ZNF541: variants seen among roughly 807,000 people sequenced by gnomAD.
ZNF541 encodes the protein zinc finger protein 541.
ZNF541 carries 23 observed loss-of-function variants against 123.5 expected under a neutral mutation model. The observed-to-expected ratio is 0.19, with a 90% CI of 0.13 to 0.26. The LOEUF is 0.26. ZNF541 is among the 10% of genes least tolerant of loss of function. The probability of loss-of-function intolerance (pLI) is 1.00; values close to 1 mark genes in which losing one functional copy is unlikely to be tolerated. For missense variants in ZNF541, 1,612 were observed against 1,789.9 expected, an observed-to-expected ratio of 0.90 and a Z score of 1.79; for synonymous variants, 751 against 754.5, an observed-to-expected ratio of 1.00 and a Z score of 0.08.
At position 47,544,779 on chromosome 19, in the gene ZNF541, C is replaced by T. The variant is rs1339149907; in HGVS notation, c.1750G>A (p.Glu584Lys). The change falls in exon 5 of 17, where the codon GAG becomes AAG. Residue 584 changes from glutamate to lysine, a missense_variant. Around this residue, in one of 5 missense-constraint regions of ZNF541, gnomAD observed 1,080 missense variants for 1,013.8 expected, o/e 1.07. Transcript: ENST00000391901. Reference sequence around the variant, plus strand: ...GGCCTCAGGGCGGCTGGTTTGCCCTCGGGCGCAGGGAGCTGGGAGGAGACT... The same window carrying T: ...GGCCTCAGGGCGGCTGGTTTGCCCTTGGGCGCAGGGAGCTGGGAGGAGACT... ...AAVSSQLPAPEGKPAALRPLQ... is the reference protein window; with the variant it reads ...AAVSSQLPAPKGKPAALRPLQ... 2.0e-6 allele frequency: 3 copies of T among 1,513,690 alleles called. No individual in the cohort carries two copies. Among genetic ancestry groups the T allele is most frequent in the Non-Finnish European group, 2.6e-6 (3 of 1,134,026 alleles). 93.8% of individuals were successfully genotyped at this position (1,513,690 alleles called of 1,614,324 possible).
chr19:47,560,545 C>T (rs1384673172), intron 2 of ZNF541, among the ~76,000 whole-genome samples: 10 of 142,300 alleles, frequency 7.0e-5, no homozygotes, highest in Non-Finnish European at 7.5e-5. Context: ...CACTGCACTC[C>T]AGCCTAGGAG....
intron 12 of ZNF541, among the ~76,000 whole-genome samples, chr19:47,531,241 G>GT (rs1484882379): frequency 1.4e-5 from 2 of 143,424 alleles, no homozygotes; most frequent in African/African-American, 5.1e-5. Flanking sequence ...GCGGGGGGGG[G>GT]GGGGGGGGTC....
At chr19:47,540,363 G>A in intron 6 of ZNF541, 28 bp from the exon 7 acceptor site, 1 of 1,541,194 alleles carries the variant, frequency 6.5e-7, no homozygotes, top group Non-Finnish European at 8.8e-7. Flanking sequence ...AAAGAAGAGT[G>A]GGAGATTAGG....
At position 47,555,790 on chromosome 19, in the gene ZNF541, C is replaced by CTGAAAA. The variant is rs755082837; in HGVS notation, c.61_66dup (p.Phe21_Ser22dup). The stretch of plus-strand genomic sequence containing the variant: ...TCGCTGCAGTTGAGCCCTTGGCTCT[C>CTGAAAA]TGAAAATGAAGGGAGGTGCATTTCT... On this transcript the variant is annotated inframe_insertion, in exon 3 of 17. Transcript: ENST00000391901. 6.4e-7 allele frequency: 1 copy of CTGAAAA among 1,551,658 alleles called. No homozygotes were observed. Among genetic ancestry groups the CTGAAAA allele is most frequent in the Non-Finnish European group, 8.7e-7 (1 of 1,147,002 alleles).
intron 5 of ZNF541, among the ~76,000 whole-genome samples, chr19:47,542,668 C>T (rs940753601): frequency 5.9e-5 from 9 of 151,664 alleles, no homozygotes; most frequent in African/African-American, 2.2e-4. Context: ...ATAAATTTGG[C>T]CAGGCACAGT....
intron 2 of ZNF541, among the ~76,000 whole-genome samples, chr19:47,556,172 A>C (rs1970814521): frequency 6.6e-6 from 1 of 152,222 alleles, no homozygotes; most frequent in Admixed American, 6.5e-5. Flanking sequence ...GTTGTAACAA[A>C]TAAAAGTACT....
chr19:47,522,046 T>C, intron 14 of ZNF541, 52 bp from the exon 15 acceptor site: 4 of 1,545,088 alleles, frequency 2.6e-6, no homozygotes, highest in Non-Finnish European at 3.5e-6. Flanking sequence ...GCCCTGGGAG[T>C]GTGACCTTGC....
chr19:47,570,725 T>C (rs1032916728), intron 2 of ZNF541, among the ~76,000 whole-genome samples: 11 of 152,036 alleles, frequency 7.2e-5, no homozygotes, highest in African/African-American at 2.4e-4. Flanking sequence ...AGATAAAGTT[T>C]ACATAAACAA....
rs748751439 is a variant in ZNF541 at position 47,545,837 on chromosome 19, G to T, written c.692C>A (p.Pro231Gln). The change falls in exon 5 of 17, where the codon CCG (proline) becomes CAG (glutamine). Residue 231 changes from proline to glutamine, a missense_variant. Pro to Gln is a moderately conservative substitution (Grantham distance 76). Transcript: ENST00000391901. This position sits in a 1 kb window ranked among gnomAD's most constrained non-coding sequence, Gnocchi z 7.5. ...HGLCILKEAPPEEEACGDSPH... is the reference protein window; with the variant it reads ...HGLCILKEAPQEEEACGDSPH... ...GGAGTCCCCGCAGGCCTCTTCCTCCGGGGGGGCTTCCTTCAGGATGCACAG... is the reference window on the plus strand; with the variant it reads ...GGAGTCCCCGCAGGCCTCTTCCTCCTGGGGGGCTTCCTTCAGGATGCACAG... The T allele has an allele frequency of 1.9e-6, 3 of 1,548,186 alleles. No individual in the cohort carries two copies. The highest frequency in any genetic ancestry group is 2.6e-6 in the Non-Finnish European group (3 of 1,145,940).
chr19:47,559,872 TGACTGAAACCCAGTGG>T (rs1970991176), intron 2 of ZNF541, among the ~76,000 whole-genome samples: 1 of 140,850 alleles, frequency 7.1e-6, no homozygotes, highest in Non-Finnish European at 1.5e-5. Context: ...AAAAAAATGG[TGACTGAAACCCAGTGG>T]GAGAACTTTG....
In ZNF541 at chr19:47,544,959, C is replaced by A; in HGVS notation, c.1570G>T (p.Ala524Ser). 6.5e-7 allele frequency: 1 copy of A among 1,534,056 alleles called. No homozygotes were observed. Among genetic ancestry groups the A allele is most frequent in the Non-Finnish European group, 8.7e-7 (1 of 1,146,092 alleles). The change falls in exon 5 of 17, where the codon GCC becomes TCC. Residue 524 changes from alanine to serine, a missense_variant. Coordinates refer to ENST00000391901, the MANE Select transcript of ZNF541 (RefSeq NM_001277075.3). Reference protein sequence around the residue: ...QNPGEPGLQEAQKAGGLPADA... With the variant: ...QNPGEPGLQESQKAGGLPADA... The stretch of plus-strand genomic sequence containing the variant: ...GCAGGGAGCCCGCCTGCCTTCTGGG[C>A]CTCCTGGAGGCCGGGCTCCCCGGGG...
At chr19:47,538,499 C>A (rs1417382606) in intron 8 of ZNF541, 60 bp from the exon 9 acceptor site, 7 of 1,401,478 alleles carry the variant, frequency 5.0e-6, no homozygotes, top group Non-Finnish European at 3.8e-6. Context: ...CACTCCATCT[C>A]CAGGATGGAA....
chr19:47,526,909 C>T (rs180694928), intron 14 of ZNF541, among the ~76,000 whole-genome samples: 272 of 152,252 alleles, frequency 1.8e-3, no homozygotes, highest in African/African-American at 6.2e-3. Flanking sequence ...TATAGTCATC[C>T]CAAACTGGAA....
At chr19:47,532,392 TG>T in intron 10 of ZNF541, 122 bp from the exon 11 acceptor site, 1 of 1,124,094 alleles carries the variant, frequency 8.9e-7, no homozygotes, top group Non-Finnish European at 1.3e-6. Flanking sequence ...AACCCTCTGC[TG>T]TCTCAGGTGC....
chr19:47,544,743 G>A lies in ZNF541; in HGVS notation c.1786C>T (p.Pro596Ser), dbSNP rs974943508. 2.0e-6 allele frequency: 3 copies of A among 1,500,248 alleles called. No individual in the cohort carries two copies. In the South Asian group the frequency reaches 3.8e-5, roughly 19 times the overall value. 92.9% of individuals were successfully genotyped at this position (1,500,248 alleles called of 1,614,324 possible). Residue 596 changes from proline to serine, a missense_variant, in exon 5 of 17, where the codon CCG becomes TCG. Around this residue, in one of 5 missense-constraint regions of ZNF541, gnomAD observed 1,080 missense variants for 1,013.8 expected, o/e 1.07. Transcript: ENST00000391901. ...AGTGGTGGGGGCTGCTGCGGCCACGGCCCCTGCAGCGGCCTCAGGGCGGCT... is the reference window on the plus strand; with the variant it reads ...AGTGGTGGGGGCTGCTGCGGCCACGACCCCTGCAGCGGCCTCAGGGCGGCT... ...KPAALRPLQG[P>S]WPQQPPPLAP...
intron 2 of ZNF541, among the ~76,000 whole-genome samples, chr19:47,566,992 A>G (rs1272516389): frequency 6.6e-6 from 1 of 152,010 alleles, no homozygotes; most frequent in Admixed American, 6.6e-5. Context: ...CGGAGCTTGC[A>G]GTGAGCCAAG....
chr19:47,521,239 G>A lies in ZNF541; in HGVS notation c.4026C>T (p.Gly1342=), dbSNP rs1194937391. Residue 1342 remains glycine, a synonymous_variant, in exon 17 of 17, where the codon GGC becomes GGT. Transcript: ENST00000391901. The surrounding 1 kb of genome is among the most constrained non-coding windows in gnomAD (Gnocchi z 4.2). ...LKEEELGADI[G]PLQW ...GCCACGGGAGTCACCACTGCAGGGG[G>A]CCGATGTCAGCTCCCAGCTCCTCTT... 1 of 1,551,684 alleles carries A rather than the reference G, an allele frequency of 6.4e-7. No homozygotes were observed. Among genetic ancestry groups the A allele is most frequent in the Admixed American group, 2.0e-5 (1 of 51,002 alleles).
chr19:47,557,733 G>A (rs1308683767), intron 2 of ZNF541, among the ~76,000 whole-genome samples: 1 of 151,998 alleles, frequency 6.6e-6, no homozygotes, highest in African/African-American at 2.4e-5. Context: ...CAGCTATTCA[G>A]AAGGCTGAGG....
At chr19:47,557,853 GAA>G (rs58815217) in intron 2 of ZNF541, among the ~76,000 whole-genome samples, 1 of 139,854 alleles carries the variant, frequency 7.2e-6, no homozygotes. Context: ...AATCAATTGG[GAA>G]AAAAAAAAAA....
Sources: gnomAD v4.1 joint callset for allele counts (sites outside exome capture counted in the v4.1 genomes callset) on GRCh38, gnomAD v4.1.1 for gene constraint, gnomAD v4.1.1 regional missense constraint, Gnocchi (gnomAD v3.1) non-coding constraint, MANE v1.5 for transcripts, NCBI Gene and HGNC (gene_info 2026-07-23, HGNC 2026-07-21) for gene names.